The following BORCS5 variants were observed in gnomAD, a reference collection of about 807,000 sequenced individuals.
BORCS5 encodes the protein BLOC-1-related complex subunit 5.
Under a neutral mutation model 22.1 loss-of-function variants are expected in BORCS5, and 17 were observed. The observed-to-expected ratio is 0.77, with a 90% CI of 0.53 to 1.15. The LOEUF (loss-of-function observed/expected upper bound fraction) is 1.15, where lower values mean the gene tolerates loss of function less well. BORCS5 is among the 50% of genes most tolerant of loss of function. BORCS5 has a pLI of 0.00. For missense variants in BORCS5, 247 were observed against 253.2 expected, an observed-to-expected ratio of 0.98 and a Z score of 0.17; for synonymous variants, 117 against 99.8, an observed-to-expected ratio of 1.17 and a Z score of -1.03.
In BORCS5 at chr12:12,465,573, A is replaced by G. The variant is rs1422372530; in HGVS notation, c.388A>G (p.Ser130Gly). 6.2e-7 allele frequency: 1 copy of G among 1,614,256 alleles called. No homozygotes were observed. Among genetic ancestry groups the G allele is most frequent in the Non-Finnish European group, 8.5e-7 (1 of 1,180,040 alleles). Residue 130 changes from serine (S) to glycine (G), a missense_variant, in exon 4 of 4, where the codon AGC becomes GGC. Ser to Gly is a moderately conservative substitution (Grantham distance 56). Coordinates refer to ENST00000314565, the MANE Select transcript of BORCS5 (RefSeq NM_058169.6). Reference protein sequence around the residue: ...EMDLSVETLFSFMQERQKRYA... With the variant: ...EMDLSVETLFGFMQERQKRYA... Reference sequence around the variant, plus strand: ...GGATCTGTCTGTAGAAACTCTGTTCAGCTTCATGCAGGAGCGCCAGAAAAG... The same window carrying G: ...GGATCTGTCTGTAGAAACTCTGTTCGGCTTCATGCAGGAGCGCCAGAAAAG...
chr12:12,359,080 G>A (rs935899427), intron 1 of BORCS5, among the ~76,000 whole-genome samples: 3 of 152,120 alleles, frequency 2.0e-5, no homozygotes. Flanking sequence ...GATATTTGGG[G>A]GAGAGGATGA....
chr12:12,372,246 G>A (rs1480167996), intron 2 of BORCS5, among the ~76,000 whole-genome samples: 2 of 152,144 alleles, frequency 1.3e-5, no homozygotes, highest in African/African-American at 4.8e-5. Flanking sequence ...CGCCATGTTG[G>A]CCAGGCTGGT....
intron 2 of BORCS5, among the ~76,000 whole-genome samples, chr12:12,421,916 A>T (rs1453838035): frequency 1.3e-5 from 2 of 151,902 alleles, no homozygotes; most frequent in Non-Finnish European, 1.5e-5. Context: ...ATCATTTGTT[A>T]TTGTGTCTAT....
rs1349471743 is a variant in BORCS5, at chr12:12,452,296, T to A, written c.361-13250T>A. 3.9e-6 allele frequency: 3 copies of A among 767,402 alleles called. No individual in the cohort carries two copies. The East Asian group carries it at 1.0e-4, about 26-fold the overall frequency. 47.5% of individuals were successfully genotyped at this position (767,402 alleles called of 1,614,324 possible). A position where few individuals can be genotyped will look rare whatever the true frequency, so the allele number is the denominator to read the frequency against. On this transcript the variant is annotated intron_variant, in intron 3 of 3. Coordinates refer to ENST00000314565, the MANE Select transcript of BORCS5 (RefSeq NM_058169.6). ...TGTGTAACAATCCCATTCATGTTTG[T>A]CTCCAATACCATTCCCCCATCATCA...
intron 2 of BORCS5, among the ~76,000 whole-genome samples, chr12:12,370,099 T>TACACACACACTC (rs1863493264): frequency 6.9e-6 from 1 of 145,300 alleles, no homozygotes; most frequent in African/African-American, 2.5e-5. Context: ...AGTGGTTTTA[T>TACACACACACTC]ACACACACAC....
intron 2 of BORCS5, among the ~76,000 whole-genome samples, chr12:12,375,366 G>C (rs1303047951): frequency 6.6e-6 from 1 of 152,216 alleles, no homozygotes; most frequent in Non-Finnish European, 1.5e-5. Context: ...GCTGATGCCT[G>C]TGATCATAGC....
chr12:12,450,945 TTAAAA>T (rs1246832990), intron 3 of BORCS5, among the ~76,000 whole-genome samples: 1 of 152,236 alleles, frequency 6.6e-6, no homozygotes, highest in African/African-American at 2.4e-5. Flanking sequence ...ATTACAATAA[TTAAAA>T]TAACTAGAGA....
intron 2 of BORCS5, among the ~76,000 whole-genome samples, chr12:12,371,473 T>C (rs1207937652): frequency 6.6e-6 from 1 of 152,124 alleles, no homozygotes. Flanking sequence ...TTTGTATTTT[T>C]TGTAGAGATG....
intron 2 of BORCS5, among the ~76,000 whole-genome samples, chr12:12,405,686 A>C (rs1250431537): frequency 6.6e-6 from 1 of 152,192 alleles, no homozygotes. Flanking sequence ...CCTGGCATGT[A>C]GTTAAATTTT....
intron 3 of BORCS5, among the ~76,000 whole-genome samples, chr12:12,451,342 T>C (rs528702813): frequency 2.3e-4 from 35 of 152,194 alleles, no homozygotes; most frequent in Non-Finnish European, 4.4e-4. Context: ...ATGCGATACA[T>C]ATCTGGTTCT....
chr12:12,387,533 G>A (rs149457117), intron 2 of BORCS5, among the ~76,000 whole-genome samples: 3 of 151,428 alleles, frequency 2.0e-5, no homozygotes, highest in East Asian at 3.9e-4. Flanking sequence ...CCTCTGATCC[G>A]AAACCTAAAT....
chr12:12,436,026 T>G (rs1181888762), intron 3 of BORCS5: 1 of 428,426 alleles, frequency 2.3e-6, no homozygotes. Flanking sequence ...TTTCCTCATG[T>G]GAAAAATGGG....
intron 1 of BORCS5, among the ~76,000 whole-genome samples, chr12:12,359,743 G>GT (rs981359137): frequency 1.3e-5 from 2 of 151,928 alleles, no homozygotes; most frequent in South Asian, 2.1e-4. Context: ...TTGAGAACAG[G>GT]TTTTTTTCCT....
intron 2 of BORCS5, among the ~76,000 whole-genome samples, chr12:12,427,038 G>A (rs997725080): frequency 4.6e-5 from 7 of 152,046 alleles, no homozygotes; most frequent in African/African-American, 1.7e-4. Context: ...GTCACAGGGT[G>A]GGGATAAATG....
chr12:12,416,737 A>G (rs1286725500), intron 2 of BORCS5, among the ~76,000 whole-genome samples: 2 of 151,102 alleles, frequency 1.3e-5, no homozygotes, highest in Non-Finnish European at 2.9e-5. Context: ...ATGGGATTAT[A>G]GATTTGAGTC....
At chr12:12,426,489 A>G (rs532797704) in intron 2 of BORCS5, among the ~76,000 whole-genome samples, 96 of 152,326 alleles carry the variant, frequency 6.3e-4, no homozygotes, top group African/African-American at 2.3e-3. Context: ...TACTGTGTCT[A>G]CTTTTGGGTG....
intron 2 of BORCS5, among the ~76,000 whole-genome samples, chr12:12,424,578 A>G (rs1484029660): frequency 4.8e-5 from 7 of 147,044 alleles, no homozygotes; most frequent in African/African-American, 7.4e-5. Context: ...AATGAGCCAT[A>G]CTTTTCTGTT....
intron 2 of BORCS5, among the ~76,000 whole-genome samples, chr12:12,389,796 G>A (rs965506272): frequency 7.2e-5 from 11 of 151,912 alleles, no homozygotes; most frequent in Non-Finnish European, 1.2e-4. Context: ...GGCACATGCC[G>A]CCACACCCAG....
intron 3 of BORCS5, among the ~76,000 whole-genome samples, chr12:12,438,297 G>C: frequency 7.2e-6 from 1 of 139,422 alleles, no homozygotes; most frequent in East Asian, 2.4e-4. Context: ...GGAGGTGGAG[G>C]TTACAGTGAG....
Sources: gnomAD v4.1 joint callset for allele counts (sites outside exome capture counted in the v4.1 genomes callset) on GRCh38, gnomAD v4.1.1 for gene constraint, MANE v1.5 for transcripts, NCBI Gene and HGNC (gene_info 2026-07-23, HGNC 2026-07-21) for gene names.